Variants in CCDC30 observed in about 807,000 individuals in gnomAD.
CCDC30 encodes the protein coiled-coil domain containing 30, also known as coiled-coil domain-containing protein 30.
A neutral mutation model predicts 100.2 loss-of-function variants in CCDC30; 70 were observed. That is an observed-to-expected ratio of 0.70 (90% CI 0.58 to 0.85). CCDC30 has a LOEUF of 0.85. Among genes scored for constraint, CCDC30 ranks in the 40% least tolerant of loss-of-function variants. The pLI, the probability that CCDC30 is intolerant of heterozygous loss-of-function variation, is 0.00. For missense variants in CCDC30, 652 were observed against 771.2 expected, an observed-to-expected ratio of 0.85 and a Z score of 1.83; for synonymous variants, 233 against 269.5, an observed-to-expected ratio of 0.86 and a Z score of 1.33.
intron 10 of CCDC30, among the ~76,000 whole-genome samples, chr1:42,599,425 AAGG>A (rs1392367739): frequency 6.6e-6 from 1 of 152,230 alleles, no homozygotes; most frequent in East Asian, 1.9e-4. Flanking sequence ...TACCCTAAGA[AAGG>A]AGGACAACAG....
intron 1 of CCDC30, among the ~76,000 whole-genome samples, chr1:42,474,389 C>T (rs1643857090): frequency 6.6e-6 from 1 of 152,124 alleles, no homozygotes; most frequent in Admixed American, 6.6e-5. Flanking sequence ...ATAAATTACC[C>T]ATGTACTTGG....
chr1:42,516,584 A>T (rs1478244994), intron 6 of CCDC30, among the ~76,000 whole-genome samples: 4 of 151,344 alleles, frequency 2.6e-5, no homozygotes, highest in Admixed American at 2.0e-4. Context: ...AAAAAAAAAA[A>T]AAAAAAGAAT....
intron 6 of CCDC30, among the ~76,000 whole-genome samples, chr1:42,499,239 A>G (rs987342666): frequency 6.6e-5 from 10 of 152,192 alleles, no homozygotes; most frequent in African/African-American, 1.9e-4. Context: ...AGTGTCTACT[A>G]TATTCAGCAT....
chr1:42,586,142 T>G (rs945736876), intron 9 of CCDC30, among the ~76,000 whole-genome samples: 1 of 152,134 alleles, frequency 6.6e-6, no homozygotes, highest in Non-Finnish European at 1.5e-5. Context: ...GAGAATGAAG[T>G]AGTTGGTATC....
chr1:42,536,771 A>G, intron 6 of CCDC30, 170 bp downstream of exon 7: 1 of 545,696 alleles, frequency 1.8e-6, no homozygotes, highest in Non-Finnish European at 3.2e-6. Flanking sequence ...ACAGTTATGG[A>G]GGAGGGGAAG....
chr1:42,561,923 A>G (rs1165217095), intron 6 of CCDC30, among the ~76,000 whole-genome samples: 3 of 152,216 alleles, frequency 2.0e-5, no homozygotes, highest in Non-Finnish European at 4.4e-5. Context: ...GGAGAACTAC[A>G]AACCACTGCT....
chr1:42,541,356 T>G (rs963058874), intron 6 of CCDC30, among the ~76,000 whole-genome samples: 8 of 152,170 alleles, frequency 5.3e-5, no homozygotes, highest in African/African-American at 1.9e-4. Flanking sequence ...CCTAATACCA[T>G]CCCATTGAGG....
chr1:42,524,843 C>T (rs1382558622), intron 6 of CCDC30, among the ~76,000 whole-genome samples: 1 of 152,206 alleles, frequency 6.6e-6, no homozygotes, highest in Non-Finnish European at 1.5e-5. Context: ...CAGACAGATG[C>T]CACCAGCAGG....
intron 11 of CCDC30, among the ~76,000 whole-genome samples, chr1:42,630,171 C>T (rs1348996645): frequency 1.3e-5 from 2 of 151,788 alleles, no homozygotes; most frequent in Admixed American, 6.6e-5. Flanking sequence ...GATGGGGTTT[C>T]ACCATGTTGG....
chr1:42,638,660 G>A (rs1271576220), intron 12 of CCDC30, among the ~76,000 whole-genome samples: 4 of 151,906 alleles, frequency 2.6e-5, no homozygotes, highest in Admixed American at 2.6e-4. Context: ...GATCACCTGA[G>A]GTCAGGAGTT....
intron 10 of CCDC30, among the ~76,000 whole-genome samples, chr1:42,610,482 G>A (rs1022856010): frequency 6.6e-6 from 1 of 152,046 alleles, no homozygotes; most frequent in Non-Finnish European, 1.5e-5. Flanking sequence ...GGAGTGTGGT[G>A]GCATGATCTC....
At chr1:42,551,398 G>A (rs1325385397) in intron 6 of CCDC30, among the ~76,000 whole-genome samples, 1 of 152,146 alleles carries the variant, frequency 6.6e-6, no homozygotes, top group African/African-American at 2.4e-5. Context: ...AGCAGAAGCT[G>A]GGGGAAGGGA....
intron 10 of CCDC30, among the ~76,000 whole-genome samples, chr1:42,607,936 C>A (rs903932058): frequency 2.0e-5 from 3 of 152,168 alleles, no homozygotes; most frequent in African/African-American, 7.2e-5. Context: ...TGCCCCTGGC[C>A]ACCCAGAACC....
chr1:42,629,397 A>G (rs1039155375), intron 11 of CCDC30, among the ~76,000 whole-genome samples: 1 of 152,204 alleles, frequency 6.6e-6, no homozygotes, highest in Non-Finnish European at 1.5e-5. Flanking sequence ...GCTGCCAGAC[A>G]TATTGGAGTT....
At chr1:42,508,542 A>AT (rs1392332017) in intron 6 of CCDC30, among the ~76,000 whole-genome samples, 1 of 152,230 alleles carries the variant, frequency 6.6e-6, no homozygotes, top group Non-Finnish European at 1.5e-5. Flanking sequence ...AAGTAATTTG[A>AT]TAGCCCCAAA....
chr1:42,545,162 T>TAAAAA (rs57060353), intron 6 of CCDC30, among the ~76,000 whole-genome samples: 271 of 64,652 alleles, frequency 4.2e-3, no homozygotes, highest in Non-Finnish European at 7.5e-3. Context: ...AAAATACCTT[T>TAAAAA]AAAAAAAAAA....
intron 11 of CCDC30, among the ~76,000 whole-genome samples, chr1:42,614,167 A>C (rs1646679886): frequency 7.0e-6 from 1 of 142,086 alleles, no homozygotes; most frequent in African/African-American, 2.7e-5. Flanking sequence ...TGCAAGCTCC[A>C]CCTCCTGGGT....
chr1:42,626,078 C>T (rs1449438642), intron 11 of CCDC30, among the ~76,000 whole-genome samples: 1 of 152,078 alleles, frequency 6.6e-6, no homozygotes, highest in Non-Finnish European at 1.5e-5. Flanking sequence ...TATCCTCTTG[C>T]TAAATTGACC....
At chr1:42,465,372 T>C (rs967593083) in intron 1 of CCDC30, among the ~76,000 whole-genome samples, 3 of 148,882 alleles carry the variant, frequency 2.0e-5, no homozygotes, top group Non-Finnish European at 2.9e-5. Context: ...TGTTTTGTTT[T>C]GTTTTGTTTG....
Sources: gnomAD v4.1 joint callset for allele counts (sites outside exome capture counted in the v4.1 genomes callset) on GRCh38, gnomAD v4.1.1 for gene constraint, MANE v1.5 for transcripts, NCBI Gene and HGNC (gene_info 2026-07-23, HGNC 2026-07-21) for gene names.